The following WDR31 variants were observed in gnomAD, a reference collection of about 807,000 sequenced individuals.
WDR31 encodes the protein WD repeat domain 31.
WDR31 carries 30 observed loss-of-function variants against 47.3 expected under a neutral mutation model. The ratio of observed to expected loss-of-function variants is 0.63; its 90% CI spans 0.47 to 0.86. WDR31 has a LOEUF of 0.86. WDR31 is among the 40% of genes least tolerant of loss of function. The probability of loss-of-function intolerance (pLI) is 0.00; values close to 1 mark genes in which losing one functional copy is unlikely to be tolerated. For missense variants in WDR31, 406 were observed against 442.9 expected (o/e 0.92, Z 0.75); for synonymous variants, 137 against 159.4 (o/e 0.86, Z 1.06).
At chr9:113,323,215 T>C in intron 5 of WDR31, 60 bp from the exon 6 acceptor site, 1 of 1,562,352 alleles carries the variant, frequency 6.4e-7, no homozygotes. Flanking sequence ...GGACTGGACT[T>C]TAAATTGGGG....
chr9:113,336,573 A>G (rs1265253034), intron 1 of WDR31, 133 bp from the exon 2 acceptor site: 1 of 152,250 alleles, frequency 6.6e-6, no homozygotes, highest in Non-Finnish European at 1.5e-5. Flanking sequence ...ACAATTCAGG[A>G]AAGTATACTA....
At position 113,320,507 on chromosome 9, in the gene WDR31, G is replaced by T; in HGVS notation, c.639-9C>A. 6.2e-7 allele frequency: 1 copy of T among 1,612,054 alleles called. No homozygotes were observed. Among genetic ancestry groups the T allele is most frequent in the Non-Finnish European group, 8.5e-7 (1 of 1,178,950 alleles). ...CCCGACTGTCCCATAATCTGAAAGA[G>T]ATTAGGGCAGGAAATTAGCTTGTAG... On this transcript the variant is annotated splice_polypyrimidine_tract_variant and intron_variant, in intron 8 of 10. Transcript: ENST00000374193.
At chr9:113,340,070 G>C (rs373455962) in intron 1 of WDR31, 147 bp downstream of exon 1, 6 of 152,258 alleles carry the variant, frequency 3.9e-5, no homozygotes, top group Non-Finnish European at 8.8e-5. Context: ...GGAAAGCGGG[G>C]AGAAGAGTCC....
chr9:113,327,393 G>T (rs1475407278), intron 5 of WDR31, among the ~76,000 whole-genome samples: 1 of 151,664 alleles, frequency 6.6e-6, no homozygotes, highest in Admixed American at 6.6e-5. Flanking sequence ...ATCCAATAAG[G>T]CTTGATACAT....
intron 5 of WDR31, among the ~76,000 whole-genome samples, chr9:113,326,475 T>A (rs1161942352): frequency 4.6e-5 from 7 of 151,742 alleles, no homozygotes; most frequent in Non-Finnish European, 1.5e-5. Flanking sequence ...CCCTCCTTCT[T>A]TCTTTCTTTC....
chr9:113,329,366 C>T (rs1337959796), intron 4 of WDR31, among the ~76,000 whole-genome samples: 15 of 151,650 alleles, frequency 9.9e-5, no homozygotes, highest in Admixed American at 5.9e-4. Context: ...TCAAGCTGGG[C>T]GCAGTGGCTC....
At position 113,339,638 on chromosome 9, in the gene WDR31, TG is replaced by T. The variant is rs1399586196; in HGVS notation, c.-182+578del. On this transcript the variant is annotated intron_variant, in intron 1 of 10. Coordinates refer to ENST00000374193, the MANE Select transcript of WDR31 (RefSeq NM_001012361.4). ...CCACTCTCACGGTTGCCTCAAATTT[TG>T]GGGACGACTTGTGTGCAGTTTTTCC... 5.3e-5 allele frequency among the ~76,000 whole-genome samples: 8 copies of T among 152,326 alleles called. No individual in the cohort carries two copies. In the South Asian group the frequency reaches 1.4e-3, roughly 28 times the overall value.
chr9:113,317,024 T>C (rs1833221346), intron 10 of WDR31, 115 bp from the exon 11 acceptor site: 2 of 1,234,548 alleles, frequency 1.6e-6, no homozygotes, highest in Non-Finnish European at 2.2e-6. Flanking sequence ...CTAACCCGTA[T>C]GAGAGAGACC....
In WDR31 at chr9:113,318,624, C is replaced by G. The variant is rs1319019486; in HGVS notation, c.794G>C (p.Arg265Thr). ...CTCACATATTCTGTTTCGAGTCTGT[C>G]TTAGGTCCCACAACTGCAAAGTAAT... ...EGCEATLWDL[R>T]QTRNRICEYK... Residue 265 changes from arginine (R) to threonine (T), a missense_variant, in exon 10 of 11, where the codon AGA becomes ACA. Arg to Thr is a moderately conservative substitution (Grantham distance 71). Transcript: ENST00000374193. 1 of 1,614,090 alleles carries G rather than the reference C, an allele frequency of 6.2e-7. No homozygotes were observed. Among genetic ancestry groups the G allele is most frequent in the East Asian group, 2.2e-5 (1 of 44,886 alleles).
At position 113,322,858 on chromosome 9, in the gene WDR31, C is replaced by T. The variant is rs1483204713; in HGVS notation, c.523G>A (p.Val175Met). ...SRDNTLLLWD[V>M]VTGQSVERAS... ...CTTTCCACACTCTGTCCTGTCACCACATCCCACAGAAGCAGGGTGTTGTCC... is the reference window on the plus strand; with the variant it reads ...CTTTCCACACTCTGTCCTGTCACCATATCCCACAGAAGCAGGGTGTTGTCC... Residue 175 changes from valine to methionine, a missense_variant, in exon 7 of 11, where the codon GTG becomes ATG. By Grantham distance (21) the Val-to-Met change is conservative. Coordinates refer to ENST00000374193, the MANE Select transcript of WDR31 (RefSeq NM_001012361.4). 1.9e-6 allele frequency: 3 copies of T among 1,614,062 alleles called. No homozygotes were observed. The highest frequency in any genetic ancestry group is 2.7e-5 in the African/African-American group (2 of 74,914).
chr9:113,328,905 T>C lies in WDR31; in HGVS notation c.300A>G (p.Lys100=). The C allele has an allele frequency of 6.2e-7, 1 of 1,614,154 alleles. No individual in the cohort carries two copies. The highest frequency in any genetic ancestry group is 8.5e-7 in the Non-Finnish European group (1 of 1,179,938). ...CCTTGGTGATCTCATGTTCATGTCC[T>C]TTGAACCTTTTCACCACATTTCCAG... is the stretch of plus-strand genomic sequence containing the variant. The part of the protein sequence containing the change: ...WKTGNVVKRF[K]GHEHEITKVA... The change falls in exon 5 of 11, where the codon AAA becomes AAG. Residue 100 remains lysine (K), a synonymous_variant. Transcript: ENST00000374193.
In WDR31 at chr9:113,316,881, T is replaced by C. The variant is rs1275973434; in HGVS notation, c.972A>G (p.Gly324=). 1.9e-6 allele frequency: 3 copies of C among 1,613,898 alleles called. No individual in the cohort carries two copies. The highest frequency in any genetic ancestry group is 1.3e-5 in the African/African-American group (1 of 74,858). ...CAGCCAGAGAAGTCAAGGGTCCTGA[T>C]CCATCCAGAGACAAGGTGAAAAGGC... is the stretch of plus-strand genomic sequence containing the variant. The part of the protein sequence containing the change: ...GACLFTLSLD[G]SGPLTSLAVG... Residue 324 remains glycine (G), a synonymous_variant, in exon 11 of 11, where the codon GGA becomes GGG. Transcript: ENST00000374193.
chr9:113,335,861 T>A (rs1424106977), intron 2 of WDR31, among the ~76,000 whole-genome samples: 1 of 152,234 alleles, frequency 6.6e-6, no homozygotes, highest in East Asian at 1.9e-4. Flanking sequence ...ATGTGTATAA[T>A]GAGAGAAGGT....
rs1234358271 is a variant in WDR31 at position 113,332,015 on chromosome 9, A to G, written c.8T>C (p.Leu3Pro). The change falls in exon 3 of 11, where the codon CTA becomes CCA. Residue 3 changes from leucine to proline, a missense_variant. Coordinates refer to ENST00000374193, the MANE Select transcript of WDR31 (RefSeq NM_001012361.4). ...AGCTTGTTTCAGTTGGCACCTGAGTAGCAGCATCCCTTGTGGCTGCTGGAA... is the reference window on the plus strand; with the variant it reads ...AGCTTGTTTCAGTTGGCACCTGAGTGGCAGCATCCCTTGTGGCTGCTGGAA... The part of the protein sequence containing the change: ML[L>P]LRCQLKQAPP... The G allele has an allele frequency of 1.9e-6, 3 of 1,613,952 alleles. No homozygotes were observed. Among genetic ancestry groups the G allele is most frequent in the South Asian group, 2.2e-5 (2 of 91,072 alleles).
chr9:113,330,535 G>A (rs1833573734), intron 4 of WDR31, among the ~76,000 whole-genome samples: 1 of 152,204 alleles, frequency 6.6e-6, no homozygotes, highest in African/African-American at 2.4e-5. Context: ...AACACAGGGA[G>A]GAATCATGAT....
chr9:113,317,363 TC>T (rs753196372), intron 10 of WDR31, among the ~76,000 whole-genome samples: 61 of 152,316 alleles, frequency 4.0e-4, no homozygotes, highest in Middle Eastern at 3.4e-3. Flanking sequence ...TCCATCTGCA[TC>T]TTAGAGGCCA....
At position 113,318,997 on chromosome 9, in the gene WDR31, C is replaced by T. The variant is rs1391915740; in HGVS notation, c.781-360G>A. On this transcript the variant is annotated intron_variant, in intron 9 of 10. Transcript: ENST00000374193. ...CCAAACAACAGTATGGGGTTGTTTG[C>T]TTTCATGGCAACTCAAGAGCTGCCT... 3.3e-5 allele frequency among the ~76,000 whole-genome samples: 5 copies of T among 152,326 alleles called. No individual in the cohort carries two copies. In the East Asian group the frequency reaches 9.6e-4, roughly 29 times the overall value.
intron 5 of WDR31, among the ~76,000 whole-genome samples, chr9:113,327,494 TCTCA>T (rs1367078846): frequency 8.5e-5 from 13 of 152,086 alleles, no homozygotes; most frequent in Admixed American, 2.0e-4. Flanking sequence ...GTCAATTCTC[TCTCA>T]CTTTCTTTCC....
chr9:113,328,039 G>A (rs976281795), intron 5 of WDR31, among the ~76,000 whole-genome samples: 3 of 152,138 alleles, frequency 2.0e-5, no homozygotes, highest in African/African-American at 4.8e-5. Flanking sequence ...CCAGTCCTTC[G>A]GCATTTTAGG....
Sources: allele counts gnomAD v4.1 joint callset (sites outside exome capture counted in the v4.1 genomes callset), GRCh38; gene constraint gnomAD v4.1.1; transcripts MANE v1.5; gene names NCBI Gene and HGNC (gene_info 2026-07-23, HGNC 2026-07-21).